The following DYNC2H1 variants were observed in gnomAD, a reference collection of about 807,000 sequenced individuals.
DYNC2H1 encodes the protein cytoplasmic dynein 2 heavy chain 1.
Under a neutral mutation model 570.0 loss-of-function variants are expected in DYNC2H1, and 410 were observed. The observed-to-expected ratio is 0.72, with a 90% CI of 0.66 to 0.78. The LOEUF is 0.78. Among genes scored for constraint, DYNC2H1 ranks in the 30% least tolerant of loss-of-function variants. The pLI, the probability that DYNC2H1 is intolerant of heterozygous loss-of-function variation, is 0.00. For missense variants in DYNC2H1, 4,865 were observed against 5,046.4 expected, an observed-to-expected ratio of 0.96 and a Z score of 1.09; for synonymous variants, 1,688 against 1,677.6, an observed-to-expected ratio of 1.01 and a Z score of -0.15.
At chr11:103,295,981 G>A (rs745308579) in intron 75 of DYNC2H1, among the ~76,000 whole-genome samples, 15 of 152,048 alleles carry the variant, frequency 9.9e-5, no homozygotes, top group African/African-American at 1.9e-4. Context: ...ATTGTGTTCC[G>A]CTCAGTGACA....
At chr11:103,347,450 A>G (rs968736428) in intron 82 of DYNC2H1, among the ~76,000 whole-genome samples, 6 of 152,028 alleles carry the variant, frequency 3.9e-5, no homozygotes, top group Non-Finnish European at 7.4e-5. Flanking sequence ...TTAGAGATAC[A>G]TACTGAGTAT....
At position 103,129,863 on chromosome 11, in the gene DYNC2H1, G is replaced by A. The variant is rs879432900; in HGVS notation, c.1953+858G>A. 1.3e-5 allele frequency among the ~76,000 whole-genome samples: 2 copies of A among 152,190 alleles called. No individual in the cohort carries two copies. The highest frequency in any genetic ancestry group is 2.9e-5 in the Non-Finnish European group (2 of 68,010). On this transcript the variant is annotated intron_variant, in intron 13 of 88. Transcript: ENST00000375735. The surrounding 1 kb of genome is among the most constrained non-coding windows in gnomAD (Gnocchi z 4.1). ...CCATTTTATTTTTTTCTATTTGAAA[G>A]TGGATAACTAGTTGTGTCAGGATCC...
At chr11:103,294,547 T>C (rs930577559) in intron 75 of DYNC2H1, among the ~76,000 whole-genome samples, 5 of 152,290 alleles carry the variant, frequency 3.3e-5, no homozygotes, top group Non-Finnish European at 7.4e-5. Flanking sequence ...AATCTTTTGC[T>C]CTCTTTCCTC....
At position 103,185,081 on chromosome 11, in the gene DYNC2H1, C is replaced by T; in HGVS notation, c.6633+30C>T. ...TGCATATTTATAGCCTATATTTAGT[C>T]AAAACTTTAACTTTTCATTAACTCT... On this transcript the variant is annotated intron_variant, in intron 41 of 88. Coordinates refer to ENST00000375735, the MANE Select transcript of DYNC2H1 (RefSeq NM_001377.3). The surrounding 1 kb of genome is among the most constrained non-coding windows in gnomAD (Gnocchi z 4.5). 2 of 1,584,362 alleles carry T rather than the reference C, an allele frequency of 1.3e-6. No individual in the cohort carries two copies. The highest frequency in any genetic ancestry group is 8.6e-7 in the Non-Finnish European group (1 of 1,162,114).
intron 70 of DYNC2H1, among the ~76,000 whole-genome samples, chr11:103,272,436 T>TG (rs1865746868): frequency 6.7e-6 from 1 of 150,154 alleles, no homozygotes; most frequent in South Asian, 2.1e-4. Flanking sequence ...GGTGGGGGGA[T>TG]GGGGGAGGGA....
chr11:103,144,994 C>T (rs1333383064), intron 18 of DYNC2H1, among the ~76,000 whole-genome samples: 1 of 152,086 alleles, frequency 6.6e-6, no homozygotes, highest in East Asian at 1.9e-4. Flanking sequence ...GATTCCCCTG[C>T]CTCAGCCTCC....
chr11:103,250,044 T>C (rs530286436), intron 65 of DYNC2H1, among the ~76,000 whole-genome samples: 1 of 152,236 alleles, frequency 6.6e-6, no homozygotes, highest in East Asian at 1.9e-4. Context: ...CTATCTTTCA[T>C]TGTAAAGAGC....
At chr11:103,464,351 T>G (rs1391526548) in intron 87 of DYNC2H1, among the ~76,000 whole-genome samples, 1 of 106,878 alleles carries the variant, frequency 9.4e-6, no homozygotes, top group African/African-American at 3.5e-5. Flanking sequence ...AAATTGGTTA[T>G]GTTATGAGAC....
chr11:103,276,847 G>T (rs1027108767), intron 70 of DYNC2H1, among the ~76,000 whole-genome samples: 1 of 151,958 alleles, frequency 6.6e-6, no homozygotes, highest in Admixed American at 6.6e-5. Flanking sequence ...TGATCCCTTT[G>T]CTTAAATTTC....
intron 70 of DYNC2H1, among the ~76,000 whole-genome samples, chr11:103,274,560 A>G (rs1865836691): frequency 6.6e-6 from 1 of 152,180 alleles, no homozygotes; most frequent in Non-Finnish European, 1.5e-5. Context: ...TAAAATATTC[A>G]TCTTACTAGC....
At position 103,205,099 on chromosome 11, in the gene DYNC2H1, T is replaced by C. The variant is rs1862874764; in HGVS notation, c.8454+135T>C. The C allele has an allele frequency of 2.5e-6, 2 of 790,596 alleles. No homozygotes were observed. Among genetic ancestry groups the C allele is most frequent in the African/African-American group, 3.5e-5 (2 of 56,420 alleles). The allele number at this position is 790,596 out of a possible 1,614,324, so 49.0% of individuals were successfully genotyped here. A position where few individuals can be genotyped will look rare whatever the true frequency, so the allele number is the denominator to read the frequency against. On this transcript the variant is annotated intron_variant, in intron 52 of 88. Transcript: ENST00000375735. The surrounding 1 kb of genome is among the most constrained non-coding windows in gnomAD (Gnocchi z 4.5). ...CAAACATCTCTTATGTTTGGAAATG[T>C]CTGTTTTCTTCGTACTCTTGCATCA...
chr11:103,247,488 T>A (rs1327619800), intron 65 of DYNC2H1, among the ~76,000 whole-genome samples: 1 of 152,132 alleles, frequency 6.6e-6, no homozygotes, highest in Non-Finnish European at 1.5e-5. Context: ...AGATCACTGT[T>A]CTTCTATTAG....
intron 85 of DYNC2H1, among the ~76,000 whole-genome samples, chr11:103,449,673 T>TC (rs5794238): frequency 5.9e-5 from 9 of 151,632 alleles, no homozygotes; most frequent in African/African-American, 2.2e-4. Context: ...TCATTTTCAT[T>TC]ATTATTCTTA....
intron 84 of DYNC2H1, among the ~76,000 whole-genome samples, chr11:103,410,403 T>C (rs1219342333): frequency 6.6e-6 from 1 of 152,130 alleles, no homozygotes; most frequent in African/African-American, 2.4e-5. Context: ...TGTGTATTAC[T>C]TGTGCTTACT....
chr11:103,273,823 C>T (rs572360904), intron 70 of DYNC2H1, among the ~76,000 whole-genome samples: 42 of 152,086 alleles, frequency 2.8e-4, no homozygotes, highest in East Asian at 5.8e-4. Context: ...TGAGCAACAC[C>T]GTAATTATAT....
intron 87 of DYNC2H1, among the ~76,000 whole-genome samples, chr11:103,459,814 C>T (rs985796568): frequency 1.3e-3 from 189 of 150,760 alleles, no homozygotes; most frequent in African/African-American, 4.3e-3. Context: ...TAGCCGGGCG[C>T]GGTGGCGGGC....
At chr11:103,198,503 G>T (rs1218814883) in intron 48 of DYNC2H1, among the ~76,000 whole-genome samples, 1 of 152,116 alleles carries the variant, frequency 6.6e-6, no homozygotes, top group African/African-American at 2.4e-5. Context: ...GAAACTTTGA[G>T]TAGTGCTATC....
intron 75 of DYNC2H1, among the ~76,000 whole-genome samples, chr11:103,293,094 T>C (rs977157579): frequency 6.6e-6 from 1 of 152,226 alleles, no homozygotes; most frequent in Non-Finnish European, 1.5e-5. Context: ...AGAATTCCCT[T>C]TATAGTTCTG....
chr11:103,188,515 T>C lies in DYNC2H1; in HGVS notation c.7159T>C (p.Phe2387Leu). The C allele has an allele frequency of 1.2e-6, 2 of 1,605,712 alleles. No individual in the cohort carries two copies. The highest frequency in any genetic ancestry group is 2.2e-5 in the East Asian group (1 of 44,614). The change falls in exon 44 of 89, where the codon TTT becomes CTT. Residue 2387 changes from phenylalanine (F) to leucine (L), a missense_variant. By Grantham distance (22) the Phe-to-Leu change is conservative. Transcript: ENST00000375735. ...CAAATAGGTATTGACGTATCAAGGA[T>C]TTTATGATGAAAATTTGGAATGGGT... ...FLQQVLTYQG[F>L]YDENLEWVGL... is the part of the protein sequence containing the mutation.
Sources: gnomAD v4.1 joint callset for allele counts (sites outside exome capture counted in the v4.1 genomes callset) on GRCh38, gnomAD v4.1.1 for gene constraint, Gnocchi (gnomAD v3.1) non-coding constraint, MANE v1.5 for transcripts, NCBI Gene and HGNC (gene_info 2026-07-23, HGNC 2026-07-21) for gene names.